The following MYRIP variants were observed in gnomAD, a reference collection of about 807,000 sequenced individuals.
The protein encoded by MYRIP is myosin VIIA and Rab interacting protein.
In MYRIP, 49 loss-of-function variants were observed where a neutral mutation model predicts 98.0. The ratio of observed to expected loss-of-function variants is 0.50; its 90% confidence interval spans 0.40 to 0.63. MYRIP has a LOEUF of 0.63. Ranked by LOEUF, MYRIP falls within the 30% of genes least tolerant of loss-of-function variation. MYRIP has a pLI of 0.00. For missense variants in MYRIP, 1,004 were observed against 1,058.2 expected (o/e 0.95, Z 0.71); for synonymous variants, 404 against 409.5 (o/e 0.99, Z 0.16).
At chr3:39,966,555 A>G (rs957971593) in intron 2 of MYRIP, among the ~76,000 whole-genome samples, 1 of 152,196 alleles carries the variant, frequency 6.6e-6, no homozygotes, top group Non-Finnish European at 1.5e-5. Flanking sequence ...TTTTGTTTAA[A>G]AAGGTGTGAG....
chr3:40,232,245 A>T lies in MYRIP; in HGVS notation c.1906-1614A>T, dbSNP rs76965728. 3.7e-3 allele frequency among the ~76,000 whole-genome samples: 566 copies of T among 152,332 alleles called. 1 individual carries two copies. The highest frequency in any genetic ancestry group is 0.013 in the African/African-American group (540 of 41,574). On this transcript the variant is annotated intron_variant, in intron 11 of 16. Coordinates refer to ENST00000302541, the MANE Select transcript of MYRIP (RefSeq NM_015460.4). ...ATTGTGGAACAGACAGGCTAAGGCTAAGGAGGAGCCCTCTGGCACATGTGT... is the reference window on the plus strand; with the variant it reads ...ATTGTGGAACAGACAGGCTAAGGCTTAGGAGGAGCCCTCTGGCACATGTGT...
intron 9 of MYRIP, among the ~76,000 whole-genome samples, chr3:40,186,978 G>A (rs1468012340): frequency 1.3e-5 from 2 of 152,188 alleles, no homozygotes; most frequent in Non-Finnish European, 2.9e-5. Flanking sequence ...ATGCTAGCAA[G>A]CCACTCTTCT....
intron 2 of MYRIP, among the ~76,000 whole-genome samples, chr3:39,980,508 G>T (rs1316982564): frequency 6.6e-6 from 1 of 152,196 alleles, no homozygotes; most frequent in Non-Finnish European, 1.5e-5. Context: ...ATAATACAAT[G>T]CTCTGCTTTC....
intron 8 of MYRIP, among the ~76,000 whole-genome samples, chr3:40,180,591 G>C (rs1226944378): frequency 6.6e-6 from 1 of 152,238 alleles, no homozygotes; most frequent in African/African-American, 2.4e-5. Context: ...ACAGTGTCTT[G>C]AGGAACTGAT....
intron 3 of MYRIP, among the ~76,000 whole-genome samples, chr3:40,056,818 C>T (rs1947894752): frequency 6.6e-6 from 1 of 152,048 alleles, no homozygotes; most frequent in South Asian, 2.1e-4. Flanking sequence ...GGGTACCTTC[C>T]CGAAGTTGTC....
chr3:40,185,379 G>A (rs748538582), intron 9 of MYRIP, among the ~76,000 whole-genome samples: 3 of 152,166 alleles, frequency 2.0e-5, no homozygotes, highest in Non-Finnish European at 2.9e-5. Context: ...AATAAAGATC[G>A]GGGAATTGTC....
At chr3:39,980,565 A>G (rs997098947) in intron 2 of MYRIP, among the ~76,000 whole-genome samples, 1 of 152,148 alleles carries the variant, frequency 6.6e-6, no homozygotes, top group Non-Finnish European at 1.5e-5. Flanking sequence ...GTCAGACCCA[A>G]ATGCCTGAAA....
chr3:39,849,604 A>C (rs1942066326), intron 1 of MYRIP, among the ~76,000 whole-genome samples: 1 of 152,142 alleles, frequency 6.6e-6, no homozygotes, highest in East Asian at 1.9e-4. Context: ...TGAACTTGTA[A>C]GTTGTCTCTT....
chr3:39,996,739 A>T (rs1341100413), intron 2 of MYRIP, among the ~76,000 whole-genome samples: 1 of 152,210 alleles, frequency 6.6e-6, no homozygotes, highest in East Asian at 1.9e-4. Context: ...CATTCTTTAC[A>T]GCACCACACC....
intron 2 of MYRIP, among the ~76,000 whole-genome samples, chr3:39,966,989 G>A (rs1328853197): frequency 1.3e-5 from 2 of 152,154 alleles, no homozygotes; most frequent in Admixed American, 1.3e-4. Context: ...CCAAGCATGT[G>A]AACCTGAACA....
chr3:40,033,697 C>T (rs1007768027), intron 2 of MYRIP, among the ~76,000 whole-genome samples: 2 of 152,178 alleles, frequency 1.3e-5, no homozygotes, highest in Admixed American at 1.3e-4. Context: ...CAATGACTTT[C>T]TTCACAGAAT....
At chr3:39,931,037 A>G (rs933589612) in intron 2 of MYRIP, among the ~76,000 whole-genome samples, 1 of 152,064 alleles carries the variant, frequency 6.6e-6, no homozygotes, top group African/African-American at 2.4e-5. Flanking sequence ...GGATAAGTTT[A>G]TACATTTATG....
intron 2 of MYRIP, among the ~76,000 whole-genome samples, chr3:40,023,638 C>T (rs918006046): frequency 7.2e-5 from 11 of 152,146 alleles, no homozygotes; most frequent in Non-Finnish European, 1.5e-4. Context: ...CTTCCACCTC[C>T]AGTCTCACAC....
chr3:40,156,600 C>T (rs1216818115), intron 4 of MYRIP, among the ~76,000 whole-genome samples: 35 of 151,728 alleles, frequency 2.3e-4, no homozygotes, highest in African/African-American at 1.9e-4. Context: ...GCCATTTTCA[C>T]GATATTGATT....
At chr3:40,007,665 G>C (rs1946664053) in intron 2 of MYRIP, among the ~76,000 whole-genome samples, 1 of 152,220 alleles carries the variant, frequency 6.6e-6, no homozygotes, top group African/African-American at 2.4e-5. Flanking sequence ...AAACCACTAG[G>C]ATGTGTGTAT....
chr3:40,140,922 T>C lies in MYRIP; in HGVS notation c.333-10126T>C, dbSNP rs371964314. On this transcript the variant is annotated intron_variant, in intron 3 of 16. Transcript: ENST00000302541. ...AAATTAGACTTACAATCTAATTTTA[T>C]GATTTTAATTATCTTAAAATATACA... 1.1e-3 allele frequency among the ~76,000 whole-genome samples: 172 copies of C among 152,342 alleles called. 1 individual carries two copies. Among genetic ancestry groups the C allele is most frequent in the African/African-American group, 4.1e-3 (169 of 41,590 alleles).
intron 2 of MYRIP, among the ~76,000 whole-genome samples, chr3:39,961,512 T>C (rs940522407): frequency 6.6e-6 from 1 of 152,190 alleles, no homozygotes; most frequent in East Asian, 1.9e-4. Flanking sequence ...TTTCCTTTCA[T>C]GTTCTGGGAG....
intron 2 of MYRIP, among the ~76,000 whole-genome samples, chr3:39,956,884 G>C (rs913280433): frequency 1.3e-5 from 2 of 151,806 alleles, no homozygotes; most frequent in African/African-American, 4.9e-5. Context: ...ATTACCATCA[G>C]AGAATACTAT....
chr3:40,178,236 C>G (rs1950811295), intron 8 of MYRIP, among the ~76,000 whole-genome samples: 1 of 152,166 alleles, frequency 6.6e-6, no homozygotes, highest in Admixed American at 6.5e-5. Context: ...TAGCAACAAT[C>G]TATGGTTCCA....
Sources: gnomAD v4.1 joint callset for allele counts (sites outside exome capture counted in the v4.1 genomes callset) on GRCh38, gnomAD v4.1.1 for gene constraint, MANE v1.5 for transcripts, NCBI Gene and HGNC (gene_info 2026-07-23, HGNC 2026-07-21) for gene names.